The following FGF14 variants were observed in gnomAD, a reference collection of about 807,000 sequenced individuals.
FGF14 encodes fibroblast growth factor homologous factor 4.
A neutral mutation model predicts 25.5 loss-of-function variants in FGF14; 5 were observed. The ratio of observed to expected loss-of-function variants is 0.20; its 90% CI spans 0.10 to 0.41. FGF14 has a LOEUF of 0.41. Among genes scored for constraint, FGF14 ranks in the 10% least tolerant of loss-of-function variants. The pLI is 1.00. For missense variants in FGF14, 222 were observed against 320.1 expected (o/e 0.69, Z 2.34); for synonymous variants, 138 against 118.3 (o/e 1.17, Z -1.08).
chr13:102,124,367 AT>A (rs60600750), intron 1 of FGF14, among the ~76,000 whole-genome samples: 6,790 of 152,130 alleles, frequency 0.045, 347 homozygotes, highest in East Asian at 0.2. Context: ...GACCACCAAA[AT>A]AGAGATGATT....
At chr13:102,349,334 AC>A (rs2057204986) in intron 1 of FGF14, among the ~76,000 whole-genome samples, 1 of 151,542 alleles carries the variant, frequency 6.6e-6, no homozygotes, top group African/African-American at 2.4e-5. Flanking sequence ...TTATACCCAA[AC>A]TTCTCCATGT....
rs76148582 is a variant in FGF14 at position 102,320,080 on chromosome 13, C to T, written c.208+81391G>A. On this transcript the variant is annotated intron_variant, in intron 1 of 4. Transcript: ENST00000376131. ...AAATGCATGCATGTGCCTCTGTGTG[C>T]GTGTGTGTGCTCCCAAAGCAGCAGT... 2.8e-3 allele frequency among the ~76,000 whole-genome samples: 423 copies of T among 151,878 alleles called. 2 individuals carry two copies. Among genetic ancestry groups the T allele is most frequent in the African/African-American group, 9.5e-3 (394 of 41,386 alleles).
intron 1 of FGF14, among the ~76,000 whole-genome samples, chr13:102,314,395 A>G (rs997504744): frequency 3.9e-5 from 6 of 152,154 alleles, no homozygotes; most frequent in African/African-American, 1.4e-4. Flanking sequence ...TATGTCCTCA[A>G]TCGCGCTATA....
At chr13:102,379,433 T>C (rs1002534583) in intron 1 of FGF14, among the ~76,000 whole-genome samples, 11 of 151,608 alleles carry the variant, frequency 7.3e-5, no homozygotes, top group Admixed American at 5.3e-4. Context: ...CACACACATA[T>C]TTATATATAT....
chr13:101,892,492 T>C (rs1189477466), intron 1 of FGF14, among the ~76,000 whole-genome samples: 2 of 152,166 alleles, frequency 1.3e-5, no homozygotes, highest in African/African-American at 2.4e-5. Context: ...ACATGGGCCA[T>C]TGAACATGTG....
chr13:102,062,321 T>G (rs2042725435), intron 1 of FGF14, among the ~76,000 whole-genome samples: 1 of 148,930 alleles, frequency 6.7e-6, no homozygotes, highest in African/African-American at 2.5e-5. Context: ...AGGCCAAAAA[T>G]CAAAGACTAA....
At chr13:102,141,507 A>G (rs1370029263) in intron 1 of FGF14, among the ~76,000 whole-genome samples, 1 of 152,220 alleles carries the variant, frequency 6.6e-6, no homozygotes, top group East Asian at 1.9e-4. Flanking sequence ...CATTTGTGGA[A>G]AATGTACTTA....
intron 1 of FGF14, among the ~76,000 whole-genome samples, chr13:102,239,762 A>G (rs1439658068): frequency 6.6e-6 from 1 of 152,254 alleles, no homozygotes; most frequent in East Asian, 1.9e-4. Context: ...TCTTACTGCA[A>G]CCCTTCTGAT....
At chr13:101,946,172 G>A (rs984913522) in intron 1 of FGF14, among the ~76,000 whole-genome samples, 5 of 151,892 alleles carry the variant, frequency 3.3e-5, no homozygotes, top group African/African-American at 9.7e-5. Context: ...AGCCTCATAC[G>A]ATCAAAGGGC....
chr13:101,787,884 A>C (rs912447624), intron 3 of FGF14, among the ~76,000 whole-genome samples: 2 of 151,984 alleles, frequency 1.3e-5, no homozygotes, highest in African/African-American at 4.8e-5. Context: ...TTATGTATTT[A>C]TTTTGAGACA....
chr13:102,076,645 A>G (rs2043377176), intron 1 of FGF14, among the ~76,000 whole-genome samples: 1 of 152,238 alleles, frequency 6.6e-6, no homozygotes, highest in Admixed American at 6.5e-5. Flanking sequence ...TGGAAGACAC[A>G]AATAAATTGA....
rs556916358 is a variant in FGF14 at position 101,756,100 on chromosome 13, G to A, written c.409-29290C>T. 5.9e-5 allele frequency among the ~76,000 whole-genome samples: 9 copies of A among 152,224 alleles called. 1 individual carries two copies. The South Asian group carries it at 1.7e-3, about 28-fold the overall frequency. On this transcript the variant is annotated intron_variant, in intron 3 of 4. Coordinates refer to ENST00000376143, the MANE Select transcript of FGF14 (RefSeq NM_004115.4). ...CAGGCTGAATTTTCTTGGAAGAAAG[G>A]TTTCAATTCAGACTGCAACCTTCCT...
intron 1 of FGF14, among the ~76,000 whole-genome samples, chr13:102,073,189 T>A (rs1420059276): frequency 6.6e-6 from 1 of 151,958 alleles, no homozygotes; most frequent in East Asian, 1.9e-4. Flanking sequence ...GAGGCAGGGG[T>A]TGCAATGAGC....
intron 1 of FGF14, among the ~76,000 whole-genome samples, chr13:102,346,470 C>T (rs1439538893): frequency 6.6e-6 from 1 of 152,022 alleles, no homozygotes; most frequent in Non-Finnish European, 1.5e-5. Flanking sequence ...AGATTGTTAT[C>T]CACTATGTCA....
At chr13:102,108,053 G>C (rs549092543) in intron 1 of FGF14, among the ~76,000 whole-genome samples, 2 of 152,042 alleles carry the variant, frequency 1.3e-5, no homozygotes, top group Non-Finnish European at 2.9e-5. Flanking sequence ...CTAAATAATG[G>C]CATTAAATTG....
rs2033546070 is a variant in FGF14, at chr13:101,916,722, G to A, written c.-77C>T. On this transcript the variant is annotated 5_prime_UTR_variant, in exon 1 of 5. Coordinates refer to ENST00000376143, the MANE Select transcript of FGF14 (RefSeq NM_004115.4). ...CGGGGGCACCGGAGGGGAAGGCGGC[G>A]GCGCAGACCGTGGCTCGCCCTCGGG... The A allele has an allele frequency of 4.6e-6, 6 of 1,310,200 alleles. No homozygotes were observed. The highest frequency in any genetic ancestry group is 3.0e-5 in the African/African-American group (2 of 66,612). 81.2% of individuals were successfully genotyped at this position (1,310,200 alleles called of 1,614,324 possible).
intron 1 of FGF14, among the ~76,000 whole-genome samples, chr13:102,199,536 T>G (rs2049517801): frequency 6.6e-6 from 1 of 152,172 alleles, no homozygotes; most frequent in African/African-American, 2.4e-5. Flanking sequence ...ACCCAATCTT[T>G]GACACTAGAC....
intron 1 of FGF14, among the ~76,000 whole-genome samples, chr13:101,894,786 A>G (rs549976353): frequency 1.3e-5 from 2 of 152,354 alleles, no homozygotes; most frequent in Admixed American, 6.5e-5. Context: ...TCTACTTAGT[A>G]GCAATGGTGT....
chr13:102,120,932 G>T lies in FGF14; in HGVS notation c.209-245636C>A, dbSNP rs2045696064. On this transcript the variant is annotated intron_variant, in intron 1 of 4. Coordinates refer to the FGF14 transcript ENST00000376131. ...TTGGCCAGGCTGCTCTCAAACTCCTGATCTCAGGTGATCCGCCTGCCTCGG... is the reference window on the plus strand; with the variant it reads ...TTGGCCAGGCTGCTCTCAAACTCCTTATCTCAGGTGATCCGCCTGCCTCGG... Among the ~76,000 whole-genome samples, 6 of 152,086 alleles carry T rather than the reference G, an allele frequency of 3.9e-5. No individual in the cohort carries two copies. The South Asian group carries it at 1.2e-3, about 32-fold the overall frequency.
Sources: allele counts gnomAD v4.1 joint callset (sites outside exome capture counted in the v4.1 genomes callset), GRCh38; gene constraint gnomAD v4.1.1; transcripts MANE v1.5; gene names NCBI Gene and HGNC (gene_info 2026-07-23, HGNC 2026-07-21).